The following LNPEP variants were observed in gnomAD, a reference collection of about 807,000 sequenced individuals.
LNPEP encodes the protein leucyl-cystinyl aminopeptidase.
Under a neutral mutation model 120.6 loss-of-function variants are expected in LNPEP, and 64 were observed. That is an observed-to-expected ratio of 0.53 (90% CI 0.43 to 0.65). The LOEUF is 0.65. Ranked by LOEUF, LNPEP falls within the 30% of genes least tolerant of loss-of-function variation. The probability of loss-of-function intolerance (pLI) is 0.00; values close to 1 mark genes in which losing one functional copy is unlikely to be tolerated. For missense variants in LNPEP, 1,057 were observed against 1,200.0 expected, an observed-to-expected ratio of 0.88 and a Z score of 1.76; for synonymous variants, 435 against 425.4, an observed-to-expected ratio of 1.02 and a Z score of -0.28.
Position 96,996,466 on chromosome 5 carries a change from A to C in LNPEP, c.1484A>C (p.Tyr495Ser). Residue 495 changes from tyrosine to serine, a missense_variant, in exon 7 of 18, where the codon TAT becomes TCT. Physicochemically the swap from Tyr to Ser is moderately radical, Grantham distance 144. Coordinates refer to ENST00000231368, the MANE Select transcript of LNPEP (RefSeq NM_005575.3). ...LNEGFATFME[Y>S]FSLEKIFKEL... ...GAAGGTTTTGCCACTTTCATGGAGT[A>C]TTTCTCTTTGGAAAAAATATTCAAA... is the stretch of plus-strand genomic sequence containing the variant. 1 of 1,608,276 alleles carries C rather than the reference A, an allele frequency of 6.2e-7. No individual in the cohort carries two copies.
In LNPEP at chr5:97,008,337, G is replaced by GTTTTT. The variant is rs781727347; in HGVS notation, c.2035+1849_2035+1853dup. On this transcript the variant is annotated intron_variant, in intron 11 of 17. Coordinates refer to ENST00000231368, the MANE Select transcript of LNPEP (RefSeq NM_005575.3). ...TTGATTTTTTTGTTTGTTTTTTCTT[G>GTTTTT]TTTTTTTTTTTTTTTTTTTTTTTTT... Among the ~76,000 whole-genome samples, 83 of 59,844 alleles carry GTTTTT rather than the reference G, an allele frequency of 1.4e-3. 4 individuals carry two copies. Among genetic ancestry groups the GTTTTT allele is most frequent in the Non-Finnish European group, 1.7e-3 (61 of 34,902 alleles). The allele number at this position is 59,844 out of a possible 152,430, so 39.3% of individuals were successfully genotyped here.
intron 1 of LNPEP, among the ~76,000 whole-genome samples, chr5:96,977,807 T>G (rs1790036425): frequency 6.6e-6 from 1 of 152,216 alleles, no homozygotes; most frequent in Non-Finnish European, 1.5e-5. Flanking sequence ...AATAATACTC[T>G]TAGCAACTTC....
chr5:96,983,367 T>G (rs544853614), intron 2 of LNPEP, among the ~76,000 whole-genome samples: 9 of 152,192 alleles, frequency 5.9e-5, no homozygotes, highest in Non-Finnish European at 1.3e-4. Context: ...TCAGATCTAG[T>G]TATTCTTTTA....
chr5:96,965,405 A>T (rs1161345090), intron 1 of LNPEP, among the ~76,000 whole-genome samples: 1 of 151,474 alleles, frequency 6.6e-6, no homozygotes, highest in Non-Finnish European at 1.5e-5. Context: ...CCCAACCCCA[A>T]CCCCCAACCC....
At chr5:97,008,337 G>GTTTTTTTTTTTTTTTTTTTTCTTTT (rs1790838737) in intron 11 of LNPEP, among the ~76,000 whole-genome samples, 1 of 59,824 alleles carries the variant, frequency 1.7e-5, no homozygotes, top group Non-Finnish European at 2.9e-5. Context: ...GTTTTTTCTT[G>GTTTTTTTTTTTTTTTTTTTTCTTTT]TTTTTTTTTT....
At chr5:96,985,832 A>G (rs538578258) in intron 3 of LNPEP, among the ~76,000 whole-genome samples, 1 of 151,910 alleles carries the variant, frequency 6.6e-6, no homozygotes, top group Admixed American at 6.6e-5. Context: ...CATGTGGCTA[A>G]GGGAGAGGAG....
At chr5:96,943,644 G>T (rs892259980) in intron 1 of LNPEP, among the ~76,000 whole-genome samples, 6 of 152,140 alleles carry the variant, frequency 3.9e-5, no homozygotes, top group African/African-American at 1.4e-4. Flanking sequence ...TGGTGCTTGT[G>T]ATAGAACAAT....
chr5:96,986,484 G>T, intron 3 of LNPEP, 55 bp from the exon 4 acceptor site: 1 of 1,537,984 alleles, frequency 6.5e-7, no homozygotes, highest in Non-Finnish European at 8.9e-7. Flanking sequence ...CAGTTTGTTT[G>T]TTATTGCCAT....
intron 13 of LNPEP, among the ~76,000 whole-genome samples, chr5:97,019,854 A>G (rs964583377): frequency 5.9e-5 from 9 of 152,118 alleles, no homozygotes; most frequent in African/African-American, 9.7e-5. Flanking sequence ...ATGGTTTTCT[A>G]TCATAATGCT....
chr5:97,027,928 T>A, intron 17 of LNPEP, 114 bp downstream of exon 17: 1 of 691,510 alleles, frequency 1.4e-6, no homozygotes, highest in Non-Finnish European at 2.6e-6. Flanking sequence ...CTCTTATCTC[T>A]GTCTTCCTTT....
intron 4 of LNPEP, among the ~76,000 whole-genome samples, chr5:96,991,438 T>A (rs1790386455): frequency 6.6e-6 from 1 of 152,172 alleles, no homozygotes; most frequent in Admixed American, 6.5e-5. Flanking sequence ...GTAAAGGTGT[T>A]CCTTTTTCAC....
At chr5:96,982,372 C>T (rs1196148872) in intron 2 of LNPEP, among the ~76,000 whole-genome samples, 1 of 152,174 alleles carries the variant, frequency 6.6e-6, no homozygotes, top group African/African-American at 2.4e-5. Flanking sequence ...AGGAAATATA[C>T]TCTCCAGTGA....
intron 1 of LNPEP, among the ~76,000 whole-genome samples, chr5:96,964,074 T>C (rs1789668304): frequency 6.6e-6 from 1 of 152,022 alleles, no homozygotes. Context: ...CTTTGGTAAC[T>C]ACTGTTCTAC....
chr5:96,968,508 A>G (rs1789781237), intron 1 of LNPEP, among the ~76,000 whole-genome samples: 1 of 151,982 alleles, frequency 6.6e-6, no homozygotes, highest in African/African-American at 2.4e-5. Flanking sequence ...TTCAGGGCCC[A>G]TTTAAGGATT....
In LNPEP at chr5:97,003,999, G is replaced by T. The variant is rs564288230; in HGVS notation, c.1785+453G>T. Among the ~76,000 whole-genome samples, 3 of 152,174 alleles carry T rather than the reference G, an allele frequency of 2.0e-5. No individual in the cohort carries two copies. The South Asian group carries it at 6.2e-4, about 32-fold the overall frequency. The stretch of plus-strand genomic sequence containing the variant: ...TTGTGACTGTTCCTCCAGAGTAGAT[G>T]ATACATCACAAGCTGACTGCATATT... On this transcript the variant is annotated intron_variant, in intron 9 of 17. Transcript: ENST00000231368.
intron 4 of LNPEP, among the ~76,000 whole-genome samples, chr5:96,990,684 C>G (rs1196019642): frequency 2.0e-5 from 3 of 152,286 alleles, no homozygotes; most frequent in Non-Finnish European, 4.4e-5. Context: ...GTAAGGTTAA[C>G]TAGCCTGCTT....
Position 96,958,224 on chromosome 5 carries a change from C to T in LNPEP, c.20-20914C>T, listed in dbSNP as rs566354869. ...AATGAAAATGTGGACACCTGTGAAG[C>T]GGTCCGAGTGCAAAATTTGTCTAGA... is the stretch of plus-strand genomic sequence containing the variant. On this transcript the variant is annotated intron_variant, in intron 1 of 17. Coordinates refer to ENST00000231368, the MANE Select transcript of LNPEP (RefSeq NM_005575.3). Among the ~76,000 whole-genome samples, 33 of 152,326 alleles carry T rather than the reference C, an allele frequency of 2.2e-4. No homozygotes were observed. The East Asian group carries it at 5.4e-3, about 25-fold the overall frequency.
chr5:96,948,324 G>T (rs932343724), intron 1 of LNPEP, among the ~76,000 whole-genome samples: 5 of 152,092 alleles, frequency 3.3e-5, no homozygotes, highest in Admixed American at 1.3e-4. Flanking sequence ...CACCCTATTG[G>T]CCTGGCAGGT....
chr5:96,936,362 T>G, intron 1 of LNPEP, 188 bp downstream of exon 1: 1 of 423,112 alleles, frequency 2.4e-6, no homozygotes, highest in Non-Finnish European at 4.1e-6. Context: ...CGGCGGCCAG[T>G]GCGGGACCCG....
Sources: gnomAD v4.1 joint callset for allele counts (sites outside exome capture counted in the v4.1 genomes callset) on GRCh38, gnomAD v4.1.1 for gene constraint, MANE v1.5 for transcripts, NCBI Gene and HGNC (gene_info 2026-07-23, HGNC 2026-07-21) for gene names.